Variants in CFAP221 observed in about 807,000 individuals in gnomAD.
The protein encoded by CFAP221 is cilia- and flagella-associated protein 221.
A neutral mutation model predicts 113.1 loss-of-function variants in CFAP221; 97 were observed. The ratio of observed to expected loss-of-function variants is 0.86; its 90% CI spans 0.73 to 1.02. CFAP221 has a LOEUF of 1.02. Among genes scored for constraint, CFAP221 ranks in the 50% least tolerant of loss-of-function variants. The pLI is 0.00. For missense variants in CFAP221, 1,025 were observed against 1,013.4 expected (o/e 1.01, Z -0.16); for synonymous variants, 331 against 354.4 (o/e 0.93, Z 0.74).
In CFAP221 at chr2:119,611,796, T is replaced by A. The variant is rs1405280406; in HGVS notation, c.1311+54T>A. 6 of 1,314,682 alleles carry A rather than the reference T, an allele frequency of 4.6e-6. No homozygotes were observed. In the South Asian group the frequency reaches 7.6e-5, roughly 17 times the overall value. 81.4% of individuals were successfully genotyped at this position (1,314,682 alleles called of 1,614,324 possible). A position where few individuals can be genotyped will look rare whatever the true frequency, so the allele number is the denominator to read the frequency against. On this transcript the variant is annotated intron_variant, in intron 13 of 23. Transcript: ENST00000413369. ...GATTATTGGCAGCTCTTTAAATGCT[T>A]ATTTTTTTGAATGCTAAACAATTTT... is the stretch of plus-strand genomic sequence containing the variant.
At chr2:119,629,342 G>A (rs1267794777) in intron 16 of CFAP221, among the ~76,000 whole-genome samples, 1 of 152,210 alleles carries the variant, frequency 6.6e-6, no homozygotes, top group Non-Finnish European at 1.5e-5. Context: ...ATTGGGTGGA[G>A]AGAGAAGTAG....
Position 119,555,768 on chromosome 2 carries a change from C to T in CFAP221, c.241-3921C>T, listed in dbSNP as rs547267524. 2.0e-5 allele frequency among the ~76,000 whole-genome samples: 3 copies of T among 152,162 alleles called. No individual in the cohort carries two copies. The South Asian group carries it at 6.2e-4, about 32-fold the overall frequency. ...CACTCACCCTGTGGCATGGACAGTA[C>T]CAGGTCACTGTGTCTTCATGAAATA... On this transcript the variant is annotated intron_variant, in intron 3 of 23. Coordinates refer to ENST00000413369, the MANE Select transcript of CFAP221 (RefSeq NM_001271049.2).
chr2:119,656,478 C>T lies in CFAP221; in HGVS notation c.*8C>T. ...TACCTGATTCTAGAATGAAAGTCACCAGTAGGTCAGTCCCTTCCATTTGCT... is the reference window on the plus strand; with the variant it reads ...TACCTGATTCTAGAATGAAAGTCACTAGTAGGTCAGTCCCTTCCATTTGCT... On this transcript the variant is annotated 3_prime_UTR_variant, in exon 24 of 24. Transcript: ENST00000413369. 6.3e-7 allele frequency: 1 copy of T among 1,599,786 alleles called. No individual in the cohort carries two copies. The highest frequency in any genetic ancestry group is 8.6e-7 in the Non-Finnish European group (1 of 1,167,314).
Position 119,656,387 on chromosome 2 carries a change from G to C in CFAP221, c.2440G>C (p.Ala814Pro). ...EKEVKDQAQPAEKAGEKLLEE... is the reference protein window; with the variant it reads ...EKEVKDQAQPPEKAGEKLLEE... ...AGAAGTGAAAGATCAAGCACAACCA[G>C]CAGAGAAGGCCGGAGAGAAGCTGCT... Residue 814 changes from alanine to proline, a missense_variant, in exon 24 of 24, where the codon GCA becomes CCA. Transcript: ENST00000413369. The C allele has an allele frequency of 6.2e-7, 1 of 1,614,070 alleles. No homozygotes were observed. The highest frequency in any genetic ancestry group is 1.1e-5 in the South Asian group (1 of 91,084).
At chr2:119,551,992 G>A (rs1413659932) in intron 3 of CFAP221, among the ~76,000 whole-genome samples, 2 of 152,064 alleles carry the variant, frequency 1.3e-5, no homozygotes, top group Non-Finnish European at 2.9e-5. Flanking sequence ...GAATTACATA[G>A]TTATAATTAG....
intron 16 of CFAP221, among the ~76,000 whole-genome samples, chr2:119,628,218 G>A (rs1279626920): frequency 6.6e-6 from 1 of 152,000 alleles, no homozygotes; most frequent in Non-Finnish European, 1.5e-5. Flanking sequence ...CTCATAAGAA[G>A]GGAATGTGGC....
intron 14 of CFAP221, among the ~76,000 whole-genome samples, chr2:119,621,118 A>G (rs6739571): frequency 0.98 from 149,423 of 151,986 alleles, 73,520 homozygotes; most frequent in Non-Finnish European, 1. Flanking sequence ...CCAGCTACTC[A>G]GGAGGCTGAG....
intron 5 of CFAP221, among the ~76,000 whole-genome samples, chr2:119,560,844 G>A (rs992929207): frequency 6.6e-6 from 1 of 151,958 alleles, no homozygotes; most frequent in Non-Finnish European, 1.5e-5. Flanking sequence ...TGATAGTGTT[G>A]TCTCTGACTC....
At chr2:119,575,571 G>A (rs1682385688) in intron 6 of CFAP221, among the ~76,000 whole-genome samples, 1 of 152,110 alleles carries the variant, frequency 6.6e-6, no homozygotes, top group Non-Finnish European at 1.5e-5. Context: ...TAAAATGGTG[G>A]TTGCCCGGGG....
chr2:119,552,111 T>G (rs1429406913), intron 3 of CFAP221, among the ~76,000 whole-genome samples: 2 of 150,366 alleles, frequency 1.3e-5, no homozygotes, highest in East Asian at 3.9e-4. Flanking sequence ...CCAAAAAAAT[T>G]AACAACATAA....
At chr2:119,614,094 T>G (rs1359973541) in intron 13 of CFAP221, among the ~76,000 whole-genome samples, 1 of 152,228 alleles carries the variant, frequency 6.6e-6, no homozygotes, top group East Asian at 1.9e-4. Context: ...GTCTCTTTGC[T>G]AAAACAAAGA....
chr2:119,590,240 C>T (rs991596306), intron 7 of CFAP221: 1 of 151,990 alleles, frequency 6.6e-6, no homozygotes, highest in African/African-American at 2.4e-5. Flanking sequence ...AAAATATAAG[C>T]CACTTACAAA....
intron 14 of CFAP221, among the ~76,000 whole-genome samples, chr2:119,618,622 C>T (rs891161211): frequency 6.6e-6 from 1 of 152,194 alleles, no homozygotes; most frequent in African/African-American, 2.4e-5. Context: ...GGTGCCTACA[C>T]CACCAGAGCT....
At chr2:119,555,647 G>A (rs1680739487) in intron 3 of CFAP221, among the ~76,000 whole-genome samples, 1 of 152,174 alleles carries the variant, frequency 6.6e-6, no homozygotes, top group Non-Finnish European at 1.5e-5. Context: ...GGAAATGCAG[G>A]CTGGGCACTG....
chr2:119,625,766 A>G, intron 15 of CFAP221, 78 bp downstream of exon 15: 1 of 1,215,702 alleles, frequency 8.2e-7, no homozygotes. Flanking sequence ...GAATGAAGTT[A>G]GCTCTATGCA....
At chr2:119,611,104 A>C (rs534158205) in intron 12 of CFAP221, among the ~76,000 whole-genome samples, 1 of 152,266 alleles carries the variant, frequency 6.6e-6, no homozygotes, top group East Asian at 1.9e-4. Context: ...CAGGAGAAGG[A>C]AGGAATCCCC....
chr2:119,605,716 T>A (rs1574112046), intron 11 of CFAP221, among the ~76,000 whole-genome samples: 1 of 152,248 alleles, frequency 6.6e-6, no homozygotes, highest in South Asian at 2.1e-4. Flanking sequence ...GTTTTAAAAC[T>A]GAGATGTGAG....
At chr2:119,623,211 A>G (rs567744012) in intron 14 of CFAP221, among the ~76,000 whole-genome samples, 2 of 152,348 alleles carry the variant, frequency 1.3e-5, no homozygotes, top group South Asian at 4.1e-4. Context: ...AAGCATTCCT[A>G]TACACCAATA....
chr2:119,603,659 A>G (rs542587359), intron 8 of CFAP221, among the ~76,000 whole-genome samples: 30 of 152,334 alleles, frequency 2.0e-4, no homozygotes, highest in Non-Finnish European at 4.3e-4. Context: ...TTGTCCACAC[A>G]TCGTTGCTTA....
Sources: gnomAD v4.1 joint callset for allele counts (sites outside exome capture counted in the v4.1 genomes callset) on GRCh38, gnomAD v4.1.1 for gene constraint, MANE v1.5 for transcripts, NCBI Gene and HGNC (gene_info 2026-07-23, HGNC 2026-07-21) for gene names.